The following MYO1H variants were observed in gnomAD, a reference collection of about 807,000 sequenced individuals.
MYO1H encodes myosin IH.
A neutral mutation model predicts 149.3 loss-of-function variants in MYO1H; 118 were observed. That is an observed-to-expected ratio of 0.79 (90% confidence interval 0.68 to 0.92). MYO1H has a LOEUF of 0.92. MYO1H is among the 40% of genes least tolerant of loss of function. The pLI, the probability that MYO1H is intolerant of heterozygous loss-of-function variation, is 0.00. For synonymous variants in MYO1H, 447 were observed against 465.2 expected, an observed-to-expected ratio of 0.96 and a Z score of 0.50; for missense variants, 1,212 against 1,280.7, an observed-to-expected ratio of 0.95 and a Z score of 0.82.
chr12:109,445,644 C>T (rs762478960), intron 31 of MYO1H, 32 bp downstream of exon 31: 12 of 1,598,594 alleles, frequency 7.5e-6, no homozygotes, highest in South Asian at 4.5e-5. Context: ...GGAAGTAAGC[C>T]GTTTTAGATG....
intron 1 of MYO1H, among the ~76,000 whole-genome samples, chr12:109,374,871 TC>T: frequency 6.6e-6 from 1 of 152,110 alleles, no homozygotes; most frequent in Non-Finnish European, 1.5e-5. Context: ...TTTTTTTTTT[TC>T]GAGACGAAGT....
chr12:109,362,526 C>A (rs561105050), intron 1 of MYO1H, among the ~76,000 whole-genome samples: 2 of 152,206 alleles, frequency 1.3e-5, no homozygotes, highest in African/African-American at 2.4e-5. Flanking sequence ...ATCACAGGAG[C>A]CTTCAGAAAT....
rs182116651 is a variant in MYO1H at position 109,391,444 on chromosome 12, G to A, written c.175-1887G>A. Among the ~76,000 whole-genome samples, 10 of 152,270 alleles carry A rather than the reference G, an allele frequency of 6.6e-5. No homozygotes were observed. The East Asian group carries it at 1.7e-3, about 26-fold the overall frequency. ...TTTTATGGCTACATAGTATTCCATA[G>A]TGTATATGCACTATATTTTCTTCAT... On this transcript the variant is annotated intron_variant, in intron 2 of 31. Coordinates refer to ENST00000310903, the Ensembl canonical transcript of MYO1H.
At chr12:109,369,625 T>C (rs1168580458) in intron 1 of MYO1H, among the ~76,000 whole-genome samples, 1 of 152,194 alleles carries the variant, frequency 6.6e-6, no homozygotes, top group African/African-American at 2.4e-5. Flanking sequence ...TGGCCAGATA[T>C]CATGGGAACC....
intron 15 of MYO1H, among the ~76,000 whole-genome samples, chr12:109,418,220 A>C (rs7955838): frequency 6.6e-6 from 1 of 151,442 alleles, no homozygotes; most frequent in Non-Finnish European, 1.5e-5. Context: ...CTCCAGTTCT[A>C]TGAGTTGTCT....
rs147305414 is a variant in MYO1H, at chr12:109,380,492, G to T, written c.13-8191G>T. 2.8e-4 allele frequency among the ~76,000 whole-genome samples: 42 copies of T among 152,288 alleles called. No individual in the cohort carries two copies. In the East Asian group the frequency reaches 6.4e-3, roughly 23 times the overall value. ...CAGTGAGGTTTACCCTGAGGACAAA[G>T]AATTCAAAAAGTTTTAGATGGTTTT... On this transcript the variant is annotated intron_variant, in intron 1 of 31. Transcript: ENST00000310903.
the MYO1H span, among the ~76,000 whole-genome samples, chr12:109,324,223 TG>T: frequency 6.6e-6 from 1 of 152,132 alleles, no homozygotes; most frequent in African/African-American, 2.4e-5. Context: ...GGCCTTTCCA[TG>T]CGCTGGGCTT....
chr12:109,445,481 T>C lies in MYO1H; in HGVS notation c.2994-32T>C, dbSNP rs368803622. 1.3e-5 allele frequency: 20 copies of C among 1,489,420 alleles called. No homozygotes were observed. In the African/African-American group the frequency reaches 1.8e-4, roughly 14 times the overall value. The allele number at this position is 1,489,420 out of a possible 1,614,324, so 92.3% of individuals were successfully genotyped here. ...AAGGTTGAGAGAAGAAAATACAGTA[T>C]GTCAGTAATGTGTCACTTTGTGTAT... is the stretch of plus-strand genomic sequence containing the variant. On this transcript the variant is annotated intron_variant, in intron 30 of 31. Coordinates refer to ENST00000310903, the Ensembl canonical transcript of MYO1H.
chr12:109,398,792 G>GGC (rs1870028405), intron 5 of MYO1H, among the ~76,000 whole-genome samples: 1 of 148,660 alleles, frequency 6.7e-6, no homozygotes, highest in African/African-American at 2.5e-5. Context: ...ATATTGTTTA[G>GGC]GCATGCCTGC....
At chr12:109,338,731 A>C in the MYO1H span, among the ~76,000 whole-genome samples, 5 of 141,096 alleles carry the variant, frequency 3.5e-5, no homozygotes, top group African/African-American at 5.4e-5. Context: ...GTGCCACTGC[A>C]CTCCAGCCTG....
chr12:109,344,332 T>C (rs2048095722), upstream of MYO1H, among the ~76,000 whole-genome samples: 1 of 152,152 alleles, frequency 6.6e-6, no homozygotes, highest in African/African-American at 2.4e-5. Flanking sequence ...AAAAGTCAAC[T>C]ATATTTTTGT....
the MYO1H span, among the ~76,000 whole-genome samples, chr12:109,334,171 C>T: frequency 1.7e-3 from 252 of 152,188 alleles, no homozygotes; most frequent in South Asian, 4.0e-3. Flanking sequence ...CATACACTAC[C>T]ACGCCCAGCT....
intron 1 of MYO1H, among the ~76,000 whole-genome samples, chr12:109,372,582 T>C (rs1436037840): frequency 6.6e-6 from 1 of 152,134 alleles, no homozygotes; most frequent in Admixed American, 6.5e-5. Flanking sequence ...GAATTGCTTG[T>C]CAATTCATGT....
chr12:109,397,769 C>T, exon 5 of MYO1H: 1 of 1,612,290 alleles, frequency 6.2e-7, no homozygotes. Flanking sequence ...AATGACAACT[C>T]CAGCAGATTT....
chr12:109,354,630 A>AAAAGAAAG, intron 1 of MYO1H, among the ~76,000 whole-genome samples: 1 of 134,046 alleles, frequency 7.5e-6, no homozygotes, highest in African/African-American at 2.9e-5. Flanking sequence ...AAAAAAAAAA[A>AAAAGAAAG]AAAAGAAAAG....
intron 31 of MYO1H, chr12:109,446,244 T>A: frequency 8.1e-6 from 8 of 985,470 alleles, no homozygotes; most frequent in Non-Finnish European, 9.6e-6. Context: ...CTTCCCTGAC[T>A]GTGCCCATGC....
chr12:109,374,026 C>A (rs1037510260), intron 1 of MYO1H, among the ~76,000 whole-genome samples: 14 of 152,116 alleles, frequency 9.2e-5, no homozygotes, highest in African/African-American at 2.9e-4. Context: ...TTATTTGGGG[C>A]CCTTGTTATA....
chr12:109,380,379 A>G (rs1048199928), intron 1 of MYO1H, among the ~76,000 whole-genome samples: 3 of 141,520 alleles, frequency 2.1e-5, no homozygotes, highest in African/African-American at 3.1e-5. Context: ...CGGTAAAATG[A>G]AAAAAAAATG....
chr12:109,436,420 T>C (rs1419879536), intron 21 of MYO1H, 68 bp from the exon 22 acceptor site: 2 of 1,150,812 alleles, frequency 1.7e-6, no homozygotes, highest in African/African-American at 1.5e-5. Context: ...CAAACACCCC[T>C]GGAGATCACA....
Sources: gnomAD v4.1 joint callset for allele counts (sites outside exome capture counted in the v4.1 genomes callset) on GRCh38, gnomAD v4.1.1 for gene constraint, MANE v1.5 for transcripts, NCBI Gene and HGNC (gene_info 2026-07-23, HGNC 2026-07-21) for gene names.